Variants in SIN3B observed in about 807,000 individuals in gnomAD.
SIN3B encodes paired amphipathic helix protein Sin3b.
SIN3B carries 19 observed loss-of-function variants against 120.2 expected under a neutral mutation model. The observed-to-expected ratio is 0.16, with a 90% CI of 0.11 to 0.23. The LOEUF (loss-of-function observed/expected upper bound fraction) is 0.23. Among genes scored for constraint, SIN3B ranks in the 10% least tolerant of loss-of-function variants. SIN3B has a pLI of 1.00. For synonymous variants in SIN3B, 654 were observed against 653.2 expected (o/e 1.00, Z -0.02); for missense variants, 1,073 against 1,573.0 (o/e 0.68, Z 5.38).
intron 3 of SIN3B, among the ~76,000 whole-genome samples, chr19:16,837,342 C>T (rs567968865): frequency 2.6e-5 from 4 of 151,994 alleles, no homozygotes; most frequent in South Asian, 2.1e-4. Context: ...GTGATGGAGG[C>T]GGGGTAGACA....
intron 5 of SIN3B, among the ~76,000 whole-genome samples, chr19:16,847,716 TC>T (rs1333786886): frequency 1.3e-5 from 2 of 152,172 alleles, no homozygotes; most frequent in East Asian, 1.9e-4. Context: ...TCCTCTTTTT[TC>T]CCCCACTATG....
In SIN3B at chr19:16,866,338, C is replaced by G. The variant is rs752616463; in HGVS notation, c.1623-35C>G. On this transcript the variant is annotated intron_variant, in intron 11 of 18. Transcript: ENST00000248054. ...GGATGCTTCAGGGAGGATGCCCTGG[C>G]TTGTCCCTGGTGCTGACCTCTCTTC... 5 of 1,582,842 alleles carry G rather than the reference C, an allele frequency of 3.2e-6. No individual in the cohort carries two copies. The African/African-American group carries it at 6.8e-5, about 21-fold the overall frequency.
At chr19:16,871,834 C>G (rs1247684358) in intron 14 of SIN3B, among the ~76,000 whole-genome samples, 1 of 152,162 alleles carries the variant, frequency 6.6e-6, no homozygotes, top group African/African-American at 2.4e-5. Context: ...CTGTGGCTGC[C>G]TTATAGAGAT....
intron 4 of SIN3B, among the ~76,000 whole-genome samples, chr19:16,843,043 CTT>C (rs1319521371): frequency 3.3e-5 from 5 of 152,312 alleles, no homozygotes; most frequent in African/African-American, 1.2e-4. Context: ...TAGACGTCCT[CTT>C]CACCCAGACG....
chr19:16,841,976 C>G lies in SIN3B; in HGVS notation c.582+8C>G, dbSNP rs753538674. 1.9e-6 allele frequency: 3 copies of G among 1,609,666 alleles called. No individual in the cohort carries two copies. Among genetic ancestry groups the G allele is most frequent in the African/African-American group, 2.7e-5 (2 of 74,880 alleles). The stretch of plus-strand genomic sequence containing the variant: ...ATCCTGCACACGTACCAGGTAAGAA[C>G]TCAGATTACAATTCCTTGTGGGTTT... On this transcript the variant is annotated splice_region_variant and intron_variant, in intron 4 of 18. Coordinates refer to ENST00000248054, the MANE Select transcript of SIN3B (RefSeq NM_001297595.2).
intron 5 of SIN3B, 150 bp downstream of exon 5, chr19:16,847,263 G>A (rs78941635): frequency 0.014 from 10,683 of 770,056 alleles, 108 homozygotes; most frequent in Non-Finnish European, 0.018. Context: ...ATACCCAGGG[G>A]TTCCTCACTG....
chr19:16,869,225 T>C (rs1299233147), intron 12 of SIN3B, among the ~76,000 whole-genome samples: 5 of 152,114 alleles, frequency 3.3e-5, no homozygotes, highest in African/African-American at 4.8e-5. Context: ...CCGGGATGAC[T>C]TGGGTCTGCC....
chr19:16,862,447 T>A lies in SIN3B; in HGVS notation c.1154T>A (p.Ile385Lys). 6.2e-7 allele frequency: 1 copy of A among 1,614,194 alleles called. No homozygotes were observed. The highest frequency in any genetic ancestry group is 8.5e-7 in the Non-Finnish European group (1 of 1,180,038). The change falls in exon 9 of 19, where the codon ATA (isoleucine) becomes AAA (lysine). Residue 385 changes from isoleucine (I) to lysine (K), a missense_variant. Ile to Lys is a moderately radical substitution (Grantham distance 102). Around this residue, in one of 7 missense-constraint regions of SIN3B, gnomAD observed 395 missense variants for 528.0 expected, o/e 0.75. Coordinates refer to ENST00000248054, the MANE Select transcript of SIN3B (RefSeq NM_001297595.2). The surrounding 1 kb of genome is among the most constrained non-coding windows in gnomAD (Gnocchi z 4.7). ...PPMSDRSGDG[I>K]SREIDYASCK... The stretch of plus-strand genomic sequence containing the variant: ...ATGAGCGACAGATCCGGGGACGGGA[T>A]AAGCCGGGAAATTGATTATGCATCC...
intron 3 of SIN3B, 21 bp downstream of exon 3, chr19:16,831,668 G>A (rs774966159): frequency 6.8e-6 from 11 of 1,612,026 alleles, no homozygotes; most frequent in African/African-American, 1.3e-5. Flanking sequence ...ACAGTGGTTC[G>A]GGTGATCTCA....
intron 8 of SIN3B, among the ~76,000 whole-genome samples, chr19:16,858,372 A>AT (rs1469968363): frequency 6.6e-6 from 1 of 152,058 alleles, no homozygotes; most frequent in African/African-American, 2.4e-5. Flanking sequence ...CTCACCTTTT[A>AT]TAAGAAGTGG....
rs1971249589 is a variant in SIN3B, at chr19:16,829,496, T to G, written c.76T>G (p.Trp26Gly). Residue 26 changes from tryptophan (W) to glycine (G), a missense_variant, in exon 1 of 19, where the codon TGG (tryptophan) becomes GGG (glycine). Around this residue, in one of 7 missense-constraint regions of SIN3B, gnomAD observed 395 missense variants for 528.0 expected, o/e 0.75. Coordinates refer to ENST00000248054, the MANE Select transcript of SIN3B (RefSeq NM_001297595.2). ...PAGRGLSGAR[W>G]GRSGSAGHEK... The stretch of plus-strand genomic sequence containing the variant: ...GGGCCGGGGGCTGAGCGGCGCCCGC[T>G]GGGGTCGCTCGGGCTCCGCAGGCCA... The G allele has an allele frequency of 8.2e-7, 1 of 1,223,012 alleles. No individual in the cohort carries two copies. Among genetic ancestry groups the G allele is most frequent in the Admixed American group, 4.3e-5 (1 of 23,326 alleles). The allele number at this position is 1,223,012 out of a possible 1,614,324, so 75.8% of individuals were successfully genotyped here.
At chr19:16,868,258 G>A (rs568876572) in intron 12 of SIN3B, among the ~76,000 whole-genome samples, 42 of 152,300 alleles carry the variant, frequency 2.8e-4, no homozygotes, top group African/African-American at 9.1e-4. Flanking sequence ...CAGACTCCTA[G>A]GAACCAGGTC....
At position 16,866,368 on chromosome 19, in the gene SIN3B, C is replaced by G. The variant is rs147064214; in HGVS notation, c.1623-5C>G. On this transcript the variant is annotated splice_region_variant and splice_polypyrimidine_tract_variant and intron_variant, in intron 11 of 18. Coordinates refer to ENST00000248054, the MANE Select transcript of SIN3B (RefSeq NM_001297595.2). ...CCCTGGTGCTGACCTCTCTTCCCCC[C>G]GCAGACTGAAGGCCAAGGAAGAGGA... 104 of 1,609,686 alleles carry G rather than the reference C, an allele frequency of 6.5e-5. 1 individual carries two copies. The highest frequency in any genetic ancestry group is 3.3e-4 in the East Asian group (15 of 44,812).
chr19:16,876,858 C>T lies in SIN3B; in HGVS notation c.2859+280C>T, dbSNP rs1234600257. On this transcript the variant is annotated intron_variant, in intron 16 of 18. Transcript: ENST00000248054. The surrounding 1 kb of genome is among the most constrained non-coding windows in gnomAD (Gnocchi z 7.1). ...AACCAAGCCACCTCTCCCTGGCCCC[C>T]GACTCCCACTCAGGGCATCCCGTGG... 4 of 386,850 alleles carry T rather than the reference C, an allele frequency of 1.0e-5. No individual in the cohort carries two copies. Among genetic ancestry groups the T allele is most frequent in the South Asian group, 8.2e-5 (2 of 24,462 alleles). 24.0% of individuals were successfully genotyped at this position (386,850 alleles called of 1,614,324 possible).
intron 4 of SIN3B, among the ~76,000 whole-genome samples, chr19:16,845,185 A>C (rs1184375604): frequency 6.6e-6 from 1 of 152,208 alleles, no homozygotes; most frequent in Non-Finnish European, 1.5e-5. Context: ...CTACTTCCCT[A>C]AGTTGAGGGC....
intron 12 of SIN3B, among the ~76,000 whole-genome samples, chr19:16,868,379 CCA>C (rs1457311556): frequency 2.6e-5 from 4 of 152,196 alleles, no homozygotes; most frequent in African/African-American, 9.7e-5. Context: ...GAGATGGCAT[CCA>C]CGCTCATTTT....
At chr19:16,856,850 G>T (rs1408758832) in intron 8 of SIN3B, among the ~76,000 whole-genome samples, 2 of 152,124 alleles carry the variant, frequency 1.3e-5, no homozygotes, top group East Asian at 3.8e-4. Flanking sequence ...GAGATTATGG[G>T]CGTGAGCCAC....
chr19:16,869,518 T>G lies in SIN3B; in HGVS notation c.1865T>G (p.Phe622Cys). The change falls in exon 13 of 19, where the codon TTT becomes TGT. Residue 622 changes from phenylalanine (F) to cysteine (C), a missense_variant. Transcript: ENST00000248054. ...SAPSSEPHLI[F>C]VYEDRQILED... ...CCCTCTAGCGAGCCGCACCTCATCT[T>G]TGTGTACGAGGACCGGCAGATCCTG... The G allele has an allele frequency of 6.2e-7, 1 of 1,613,878 alleles. No individual in the cohort carries two copies.
chr19:16,846,944 A>G (rs1204744385), intron 4 of SIN3B, 26 bp from the exon 5 acceptor site: 3 of 1,610,850 alleles, frequency 1.9e-6, no homozygotes, highest in Non-Finnish European at 8.5e-7. Context: ...CTAACGACTT[A>G]TTTTCCCTTT....
Sources: allele counts gnomAD v4.1 joint callset (sites outside exome capture counted in the v4.1 genomes callset), GRCh38; gene constraint gnomAD v4.1.1; regional missense constraint gnomAD v4.1.1; non-coding constraint Gnocchi (gnomAD v3.1); transcripts MANE v1.5; gene names NCBI Gene and HGNC (gene_info 2026-07-23, HGNC 2026-07-21).